Variants in GAK observed in about 807,000 individuals in gnomAD.
The protein encoded by GAK is cyclin G associated kinase, also known as cyclin-G-associated kinase.
GAK carries 79 observed loss-of-function variants against 143.9 expected under a neutral mutation model. That is an observed-to-expected ratio of 0.55 (90% CI 0.46 to 0.66). The LOEUF (loss-of-function observed/expected upper bound fraction) is 0.66, where lower values mean the gene tolerates loss of function less well. GAK is among the 30% of genes least tolerant of loss of function. GAK has a pLI of 0.00. For synonymous variants in GAK, 881 were observed against 765.5 expected (o/e 1.15, Z -2.49); for missense variants, 1,693 against 1,779.7 (o/e 0.95, Z 0.88).
intron 5 of GAK, among the ~76,000 whole-genome samples, chr4:899,073 C>T (rs551328956): frequency 4.6e-5 from 7 of 152,290 alleles, no homozygotes; most frequent in South Asian, 2.1e-4. Flanking sequence ...ACAGTGCTCA[C>T]GCCCCACACA....
intron 16 of GAK, 44 bp downstream of exon 16, chr4:877,571 G>C: frequency 6.6e-7 from 1 of 1,520,576 alleles, no homozygotes; most frequent in Non-Finnish European, 8.9e-7. Context: ...TTTCCGGAGG[G>C]GTGAGGAGGA....
chr4:849,831 A>AGGGGGGGGGGGG, intron 27 of GAK, 57 bp from the exon 28 acceptor site: 1 of 999,030 alleles, frequency 1.0e-6, no homozygotes, highest in Non-Finnish European at 1.4e-6. Flanking sequence ...CGGGCGGGGC[A>AGGGGGGGGGGGG]GGACCCCCCC....
chr4:883,498 A>G, intron 12 of GAK, 35 bp from the exon 13 acceptor site: 1 of 1,608,982 alleles, frequency 6.2e-7, no homozygotes, highest in Non-Finnish European at 8.5e-7. Context: ...CACCTGGGAG[A>G]TGCGCACCTC....
chr4:854,686 G>A (rs751088904), intron 24 of GAK, among the ~76,000 whole-genome samples: 1 of 152,124 alleles, frequency 6.6e-6, no homozygotes, highest in Non-Finnish European at 1.5e-5. Flanking sequence ...GTTGATTTGT[G>A]GCTTCAGAGT....
intron 5 of GAK, 78 bp downstream of exon 5, chr4:904,559 G>A: frequency 6.9e-7 from 1 of 1,452,392 alleles, no homozygotes; most frequent in South Asian, 1.4e-5. Context: ...TGAGGTCCCT[G>A]TGGATGATGG....
intron 1 of GAK, among the ~76,000 whole-genome samples, chr4:916,402 G>A (rs1263238829): frequency 1.3e-5 from 2 of 152,164 alleles, no homozygotes; most frequent in Non-Finnish European, 2.9e-5. Flanking sequence ...CTACAGGCAT[G>A]CGTCACCACA....
chr4:881,433 T>C (rs755158496), intron 15 of GAK, among the ~76,000 whole-genome samples: 1 of 151,644 alleles, frequency 6.6e-6, no homozygotes, highest in South Asian at 2.1e-4. Flanking sequence ...ACACTCCCGT[T>C]TGAGAAACAG....
chr4:918,472 G>C (rs1723399271), intron 1 of GAK, among the ~76,000 whole-genome samples: 1 of 152,186 alleles, frequency 6.6e-6, no homozygotes, highest in Non-Finnish European at 1.5e-5. Context: ...GGAAGAATAA[G>C]CTCAAGAGAT....
intron 1 of GAK, among the ~76,000 whole-genome samples, chr4:916,263 AT>A (rs961055929): frequency 3.3e-5 from 5 of 151,858 alleles, no homozygotes; most frequent in Admixed American, 6.6e-5. Context: ...AGTAACAACA[AT>A]TTTTTTTTCT....
At position 849,408 on chromosome 4, in the gene GAK, A is replaced by G; in HGVS notation, c.*265T>C. On this transcript the variant is annotated 3_prime_UTR_variant, in exon 28 of 28. Transcript: ENST00000314167. Reference sequence around the variant, plus strand: ...CGGGGCTCCAGAGGCCACGCCCGAAACACCAAATAAATCACAGACGTGACA... The same window carrying G: ...CGGGGCTCCAGAGGCCACGCCCGAAGCACCAAATAAATCACAGACGTGACA... The G allele has an allele frequency of 1.9e-6, 1 of 526,930 alleles. No homozygotes were observed. Among genetic ancestry groups the G allele is most frequent in the South Asian group, 2.4e-5 (1 of 42,498 alleles). 32.6% of individuals were successfully genotyped at this position (526,930 alleles called of 1,614,324 possible). A position where few individuals can be genotyped will look rare whatever the true frequency, so the allele number is the denominator to read the frequency against.
Position 893,446 on chromosome 4 carries a change from G to T in GAK, c.921C>A (p.Ala307=). The change falls in exon 9 of 28, where the codon GCC becomes GCA. Residue 307 remains alanine (A), a synonymous_variant. Transcript: ENST00000314167. The stretch of plus-strand genomic sequence containing the variant: ...TCTCCTGCAGCTGGTGCACCACCTC[G>T]GCGATGGACAGCCGCTCCTCCGGGT... The part of the protein sequence containing the change: ...QVNPEERLSI[A]EVVHQLQEIA... The T allele has an allele frequency of 6.3e-7, 1 of 1,592,864 alleles. No homozygotes were observed.
At chr4:909,867 CA>C (rs1721734439) in intron 4 of GAK, among the ~76,000 whole-genome samples, 2 of 152,210 alleles carry the variant, frequency 1.3e-5, no homozygotes, top group African/African-American at 4.8e-5. Context: ...GGCACATCCC[CA>C]CAGTGTCAGA....
chr4:898,728 T>C (rs1287017059), intron 5 of GAK, among the ~76,000 whole-genome samples: 1 of 152,116 alleles, frequency 6.6e-6, no homozygotes, highest in Non-Finnish European at 1.5e-5. Context: ...CCAGGCATGG[T>C]GGCGGGCGCC....
chr4:899,724 A>AG (rs1719503982), intron 5 of GAK, among the ~76,000 whole-genome samples: 1 of 152,228 alleles, frequency 6.6e-6, no homozygotes, highest in Non-Finnish European at 1.5e-5. Context: ...CCAGGGTTAG[A>AG]TGCAGACGCT....
Position 849,300 on chromosome 4 carries a change from G to C in GAK, c.*373C>G, listed in dbSNP as rs1247632199. On this transcript the variant is annotated 3_prime_UTR_variant, in exon 28 of 28. Coordinates refer to ENST00000314167, the MANE Select transcript of GAK (RefSeq NM_005255.4). The stretch of plus-strand genomic sequence containing the variant: ...AGTCATCGGAAAATAGTTTAATTCT[G>C]TACAGACAACCACGGGACTGATTAC... The C allele has an allele frequency of 3.8e-6, 1 of 260,584 alleles. No homozygotes were observed. The highest frequency in any genetic ancestry group is 7.9e-5 in the East Asian group (1 of 12,672). The allele number at this position is 260,584 out of a possible 1,614,324, so 16.1% of individuals were successfully genotyped here.
intron 19 of GAK, chr4:869,010 C>T (rs553841124): frequency 5.6e-5 from 18 of 324,224 alleles, no homozygotes; most frequent in African/African-American, 2.8e-4. Flanking sequence ...ACGGTACACA[C>T]GAATGCATAG....
intron 7 of GAK, among the ~76,000 whole-genome samples, chr4:895,508 C>T (rs1292752524): frequency 6.6e-6 from 1 of 152,220 alleles, no homozygotes; most frequent in Non-Finnish European, 1.5e-5. Flanking sequence ...AGGGCCTCAG[C>T]CTACAGCCCA....
At chr4:899,536 G>A (rs1012825999) in intron 5 of GAK, among the ~76,000 whole-genome samples, 11 of 152,208 alleles carry the variant, frequency 7.2e-5, no homozygotes, top group Admixed American at 2.6e-4. Context: ...AAGGCAAGTC[G>A]AGGAAAGGCA....
chr4:889,013 C>A, intron 10 of GAK, 43 bp from the exon 11 acceptor site: 1 of 1,584,500 alleles, frequency 6.3e-7, no homozygotes, highest in Non-Finnish European at 8.5e-7. Flanking sequence ...GTGCTCGGTC[C>A]CACCTCCCCA....
Sources: allele counts gnomAD v4.1 joint callset (sites outside exome capture counted in the v4.1 genomes callset), GRCh38; gene constraint gnomAD v4.1.1; transcripts MANE v1.5; gene names NCBI Gene and HGNC (gene_info 2026-07-23, HGNC 2026-07-21).